KIF26B: variants seen among roughly 807,000 people sequenced by gnomAD.
KIF26B encodes kinesin family member 26B.
Under a neutral mutation model 151.2 loss-of-function variants are expected in KIF26B, and 63 were observed. The observed-to-expected ratio is 0.42, with a 90% CI of 0.34 to 0.51. The LOEUF is 0.51. Among genes scored for constraint, KIF26B ranks in the 20% least tolerant of loss-of-function variants. The pLI is 0.07. For missense variants in KIF26B, 2,813 were observed against 2,913.6 expected (o/e 0.97, Z 0.79); for synonymous variants, 1,357 against 1,262.1 (o/e 1.08, Z -1.59).
chr1:245,699,161 C>G (rs2044735555), intron 14 of KIF26B, 124 bp downstream of exon 14: 12 of 999,978 alleles, frequency 1.2e-5, no homozygotes, highest in African/African-American at 4.9e-5. Flanking sequence ...GGATGCCCAT[C>G]AAATGGAGGA....
chr1:245,257,914 C>T (rs992113194), intron 2 of KIF26B, among the ~76,000 whole-genome samples: 6 of 152,080 alleles, frequency 3.9e-5, no homozygotes, highest in Admixed American at 1.3e-4. Flanking sequence ...CCCAGCTACT[C>T]GGGAGGCTGA....
At chr1:245,487,871 C>T (rs1558185676) in intron 4 of KIF26B, among the ~76,000 whole-genome samples, 1 of 151,968 alleles carries the variant, frequency 6.6e-6, no homozygotes, top group Non-Finnish European at 1.5e-5. Context: ...TCACTGCAAC[C>T]TCTGCCTCCC....
At chr1:245,661,719 C>T (rs867444110) in intron 10 of KIF26B, among the ~76,000 whole-genome samples, 2,859 of 128,096 alleles carry the variant, frequency 0.022, 77 homozygotes, top group Admixed American at 0.09. Flanking sequence ...ACACACACCA[C>T]CAATATATAT....
At chr1:245,415,881 GA>G (rs1310521706) in intron 3 of KIF26B, among the ~76,000 whole-genome samples, 1 of 149,954 alleles carries the variant, frequency 6.7e-6, no homozygotes, top group Non-Finnish European at 1.5e-5. Flanking sequence ...GACTAAAAAA[GA>G]GGCAGCTCTT....
intron 3 of KIF26B, among the ~76,000 whole-genome samples, chr1:245,387,175 GT>G (rs200463573): frequency 9.9e-5 from 14 of 142,108 alleles, no homozygotes; most frequent in African/African-American, 4.0e-4. Context: ...TTTGTTTTTT[GT>G]TTTTTGAGAT....
intron 2 of KIF26B, among the ~76,000 whole-genome samples, chr1:245,234,989 G>A (rs1022664605): frequency 2.0e-5 from 3 of 152,100 alleles, no homozygotes; most frequent in African/African-American, 7.2e-5. Context: ...GAGTCCGTGG[G>A]AGAGATCTGC....
chr1:245,401,733 G>C (rs1483244875), intron 3 of KIF26B, among the ~76,000 whole-genome samples: 10 of 152,138 alleles, frequency 6.6e-5, no homozygotes, highest in Non-Finnish European at 2.9e-5. Flanking sequence ...ATCTGGGCGT[G>C]GTGGCACATG....
At position 245,572,853 on chromosome 1, in the gene KIF26B, G is replaced by A. The variant is rs2043078363; in HGVS notation, c.1351-29724G>A. Among the ~76,000 whole-genome samples the A allele has an allele frequency of 6.6e-6, 1 of 152,060 alleles. No individual in the cohort carries two copies. Among genetic ancestry groups the A allele is most frequent in the Non-Finnish European group, 1.5e-5 (1 of 68,018 alleles). On this transcript the variant is annotated intron_variant, in intron 5 of 14. Coordinates refer to ENST00000407071, the MANE Select transcript of KIF26B (RefSeq NM_018012.4). The surrounding 1 kb of genome is among the most constrained non-coding windows in gnomAD (Gnocchi z 4.2). Reference sequence around the variant, plus strand: ...CTCAGATGTGTCTTTGCGGGGAAATGGTCAGGCGTCCTCTGTTGGCAAGGG... The same window carrying A: ...CTCAGATGTGTCTTTGCGGGGAAATAGTCAGGCGTCCTCTGTTGGCAAGGG...
rs562404310 is a variant in KIF26B, at chr1:245,211,150, G to C, written c.465+54467G>C. ...GCGATATTCTTTTGTGAATAAAAAG[G>C]CCCTGATTCCAGCCAAACCGGGATC... On this transcript the variant is annotated intron_variant, in intron 2 of 14. Transcript: ENST00000407071. Among the ~76,000 whole-genome samples the C allele has an allele frequency of 9.5e-4, 145 of 152,262 alleles. 1 individual carries two copies. Among genetic ancestry groups the C allele is most frequent in the African/African-American group, 3.4e-3 (143 of 41,546 alleles).
At chr1:245,641,860 G>C (rs1435358762) in intron 9 of KIF26B, among the ~76,000 whole-genome samples, 1 of 150,436 alleles carries the variant, frequency 6.6e-6, no homozygotes, top group African/African-American at 2.5e-5. Context: ...TTCCCTGAAT[G>C]TTCTTGACGC....
At chr1:245,284,095 C>T (rs1246599535) in intron 2 of KIF26B, among the ~76,000 whole-genome samples, 2 of 152,222 alleles carry the variant, frequency 1.3e-5, no homozygotes, top group African/African-American at 4.8e-5. Context: ...AATTTAGTAT[C>T]AATCAACCCC....
At chr1:245,365,668 C>T (rs559655393) in intron 2 of KIF26B, among the ~76,000 whole-genome samples, 18 of 152,278 alleles carry the variant, frequency 1.2e-4, no homozygotes, top group Admixed American at 5.9e-4. Context: ...TTACCTGCAA[C>T]GACTGTTGAG....
intron 2 of KIF26B, among the ~76,000 whole-genome samples, chr1:245,278,659 A>C (rs1282843317): frequency 6.6e-6 from 1 of 151,726 alleles, no homozygotes; most frequent in Non-Finnish European, 1.5e-5. Flanking sequence ...AATTCTACCT[A>C]CTCCTACCCT....
At chr1:245,398,250 C>T (rs1424563813) in intron 3 of KIF26B, among the ~76,000 whole-genome samples, 2 of 152,110 alleles carry the variant, frequency 1.3e-5, no homozygotes. Context: ...AATAAAAATA[C>T]CTTCACAAAC....
In KIF26B at chr1:245,390,942, A is replaced by AAAAC. The variant is rs1553270124; in HGVS notation, c.999+23578_999+23579insCAAA. On this transcript the variant is annotated intron_variant, in intron 3 of 14. Transcript: ENST00000407071. ...GTCTCAAAAAAAAAAAAAAAAAAAA[A>AAAAC]AAAAAAAAAACCACCATAAAATTTT... Among the ~76,000 whole-genome samples the AAAAC allele has an allele frequency of 3.4e-5, 5 of 145,354 alleles. 1 individual carries two copies. Among genetic ancestry groups the AAAAC allele is most frequent in the African/African-American group, 1.3e-4 (5 of 37,876 alleles).
intron 2 of KIF26B, among the ~76,000 whole-genome samples, chr1:245,163,328 A>C (rs1668562957): frequency 6.6e-6 from 1 of 152,108 alleles, no homozygotes; most frequent in Non-Finnish European, 1.5e-5. Context: ...TTTCAGTAGA[A>C]ATGGGGTTTC....
chr1:245,406,539 G>T (rs993378275), intron 3 of KIF26B, among the ~76,000 whole-genome samples: 1 of 152,176 alleles, frequency 6.6e-6, no homozygotes, highest in Non-Finnish European at 1.5e-5. Flanking sequence ...ATGTTCATGG[G>T]CTCCACAGAC....
chr1:245,456,699 A>C (rs541995867), intron 4 of KIF26B, among the ~76,000 whole-genome samples: 1 of 152,362 alleles, frequency 6.6e-6, no homozygotes, highest in East Asian at 1.9e-4. Context: ...TTTAAAATAT[A>C]AATTGAGTTA....
intron 5 of KIF26B, among the ~76,000 whole-genome samples, chr1:245,583,004 G>A (rs1771533): frequency 0.52 from 79,104 of 151,970 alleles, 22,341 homozygotes; most frequent in African/African-American, 0.76. Flanking sequence ...TCAGACACAT[G>A]CAACCCAGCC....
Sources: allele counts gnomAD v4.1 joint callset (sites outside exome capture counted in the v4.1 genomes callset), GRCh38; gene constraint gnomAD v4.1.1; non-coding constraint Gnocchi (gnomAD v3.1); transcripts MANE v1.5; gene names NCBI Gene and HGNC (gene_info 2026-07-23, HGNC 2026-07-21).